The following MLIP variants were observed in gnomAD, a reference collection of about 807,000 sequenced individuals.
MLIP encodes muscular LMNA interacting protein.
In MLIP, 79 loss-of-function variants were observed where a neutral mutation model predicts 84.8. That is an observed-to-expected ratio of 0.93 (90% CI 0.78 to 1.12). MLIP has a LOEUF of 1.12. Among genes scored for constraint, MLIP ranks in the 50% most tolerant of loss-of-function variants. MLIP has a pLI of 0.00. For missense variants in MLIP, 1,257 were observed against 1,160.6 expected, an observed-to-expected ratio of 1.08 and a Z score of -1.21; for synonymous variants, 504 against 463.0, an observed-to-expected ratio of 1.09 and a Z score of -1.14.
At chr6:54,169,882 A>G (rs1460331502) in intron 9 of MLIP, among the ~76,000 whole-genome samples, 1 of 151,738 alleles carries the variant, frequency 6.6e-6, no homozygotes, top group Non-Finnish European at 1.5e-5. Context: ...GTAATGGTTT[A>G]TTATGCTTAT....
intron 1 of MLIP, among the ~76,000 whole-genome samples, chr6:54,070,928 T>C (rs1421854459): frequency 6.6e-6 from 1 of 152,162 alleles, no homozygotes; most frequent in Non-Finnish European, 1.5e-5. Flanking sequence ...TATTCATAAT[T>C]GAAGGAAATG....
At chr6:54,086,454 G>T (rs1018554581) in intron 1 of MLIP, among the ~76,000 whole-genome samples, 1 of 152,076 alleles carries the variant, frequency 6.6e-6, no homozygotes, top group African/African-American at 2.4e-5. Context: ...AGCCATTTCT[G>T]CAAGGAAACC....
chr6:54,054,430 CAA>C (rs60998933), intron 1 of MLIP, among the ~76,000 whole-genome samples: 12,185 of 131,254 alleles, frequency 0.093, 562 homozygotes, highest in Non-Finnish European at 0.12. Context: ...GAAAAAAAGG[CAA>C]AAAAAAAAAA....
intron 1 of MLIP, among the ~76,000 whole-genome samples, chr6:54,067,471 C>T (rs1320313092): frequency 9.9e-6 from 1 of 101,010 alleles, no homozygotes; most frequent in Non-Finnish European, 2.9e-5. Flanking sequence ...TCCTAATTAA[C>T]CTTCCACAGC....
At chr6:54,158,580 T>C (rs1455983829) in intron 5 of MLIP, among the ~76,000 whole-genome samples, 1 of 152,088 alleles carries the variant, frequency 6.6e-6, no homozygotes, top group Non-Finnish European at 1.5e-5. Context: ...ATACCTATAA[T>C]CGATGATCAA....
chr6:54,110,959 A>G (rs768986092), upstream of MLIP, among the ~76,000 whole-genome samples: 1 of 152,214 alleles, frequency 6.6e-6, no homozygotes. Flanking sequence ...CAATTTATAT[A>G]CTAAGGATAA....
At chr6:54,142,901 GAAA>G (rs1031969261) in intron 4 of MLIP, among the ~76,000 whole-genome samples, 20 of 150,812 alleles carry the variant, frequency 1.3e-4, no homozygotes, top group African/African-American at 4.9e-4. Flanking sequence ...TACGTGAAAT[GAAA>G]AAAACAACAA....
chr6:54,152,451 A>T (rs1377238278), intron 5 of MLIP, among the ~76,000 whole-genome samples: 2 of 152,180 alleles, frequency 1.3e-5, no homozygotes, highest in Admixed American at 6.5e-5. Context: ...AATCAAAGGC[A>T]CTTCTTACAT....
At chr6:54,208,291 A>C (rs1014317998) in intron 11 of MLIP, among the ~76,000 whole-genome samples, 34 of 152,228 alleles carry the variant, frequency 2.2e-4, no homozygotes, top group African/African-American at 7.5e-4. Context: ...AAAGTTCAAA[A>C]ATTTTGTTTG....
intron 11 of MLIP, among the ~76,000 whole-genome samples, chr6:54,209,781 C>T (rs1779287480): frequency 6.6e-6 from 1 of 152,084 alleles, no homozygotes; most frequent in Non-Finnish European, 1.5e-5. Context: ...ACTTTACCTA[C>T]CCCAAATTCA....
At position 54,160,387 on chromosome 6, in the gene MLIP, G is replaced by A; in HGVS notation, c.2310G>A (p.Lys770=). The A allele has an allele frequency of 1.2e-6, 2 of 1,612,276 alleles. No individual in the cohort carries two copies. Among genetic ancestry groups the A allele is most frequent in the South Asian group, 2.2e-5 (2 of 91,028 alleles). ...LEQKALDEPA[K]TESVSKDNTL... ...ACTAGGCACTAGATGAACCAGCCAAGACTGAAAGTGTCTCCAAGGACAACA... is the reference window on the plus strand; with the variant it reads ...ACTAGGCACTAGATGAACCAGCCAAAACTGAAAGTGTCTCCAAGGACAACA... The change falls in exon 6 of 14, where the codon AAG becomes AAA. Residue 770 remains lysine, a synonymous_variant. Coordinates refer to ENST00000502396, the MANE Select transcript of MLIP (RefSeq NM_001281747.2).
chr6:54,174,740 T>A (rs183279632), intron 9 of MLIP, among the ~76,000 whole-genome samples: 2 of 152,156 alleles, frequency 1.3e-5, no homozygotes, highest in Admixed American at 1.3e-4. Flanking sequence ...GGGTAGAAGC[T>A]TTTTAACATG....
chr6:54,169,473 C>A, intron 8 of MLIP, 55 bp from the exon 9 acceptor site: 2 of 1,238,880 alleles, frequency 1.6e-6, no homozygotes, highest in South Asian at 1.6e-5. Flanking sequence ...GAAGTTGAGT[C>A]TATTATTATT....
At chr6:54,076,254 A>G (rs948757840) in intron 1 of MLIP, among the ~76,000 whole-genome samples, 4 of 152,182 alleles carry the variant, frequency 2.6e-5, no homozygotes, top group Non-Finnish European at 5.9e-5. Context: ...CCTTTATCAT[A>G]ATCTCTATTA....
intron 1 of MLIP, among the ~76,000 whole-genome samples, chr6:54,070,998 A>G (rs1027920292): frequency 6.6e-6 from 1 of 152,174 alleles, no homozygotes; most frequent in African/African-American, 2.4e-5. Flanking sequence ...TCATGGACCC[A>G]TTGAATGCTA....
intron 9 of MLIP, among the ~76,000 whole-genome samples, chr6:54,173,840 T>G (rs528226987): frequency 1.3e-5 from 2 of 152,008 alleles, no homozygotes; most frequent in East Asian, 3.9e-4. Flanking sequence ...TCTTTCTATT[T>G]TTTTTGTACT....
intron 12 of MLIP, among the ~76,000 whole-genome samples, chr6:54,256,501 G>T (rs748523525): frequency 2.6e-5 from 4 of 152,124 alleles, no homozygotes; most frequent in Non-Finnish European, 5.9e-5. Flanking sequence ...TGGATCTGTG[G>T]TGATTCTAAA....
chr6:54,147,696 T>A (rs954384443), intron 4 of MLIP, among the ~76,000 whole-genome samples: 2 of 152,120 alleles, frequency 1.3e-5, no homozygotes, highest in Non-Finnish European at 2.9e-5. Flanking sequence ...TGTTTCTGAA[T>A]GATTGTGTGT....
chr6:54,216,186 T>C, intron 11 of MLIP: 3 of 985,304 alleles, frequency 3.0e-6, no homozygotes, highest in Non-Finnish European at 3.6e-6. Context: ...TATCATTTCC[T>C]TTAGAATCAC....
Sources: allele counts gnomAD v4.1 joint callset (sites outside exome capture counted in the v4.1 genomes callset), GRCh38; gene constraint gnomAD v4.1.1; transcripts MANE v1.5; gene names NCBI Gene and HGNC (gene_info 2026-07-23, HGNC 2026-07-21).